The following COL26A1 variants were observed in gnomAD, a reference collection of about 807,000 sequenced individuals.
COL26A1 encodes the protein collagen alpha-1(XXVI) chain.
A neutral mutation model predicts 59.3 loss-of-function variants in COL26A1; 41 were observed. The ratio of observed to expected loss-of-function variants is 0.69; its 90% CI spans 0.54 to 0.90. The LOEUF (loss-of-function observed/expected upper bound fraction) is 0.90, where lower values mean the gene tolerates loss of function less well. Ranked by LOEUF, COL26A1 falls within the 40% of genes least tolerant of loss-of-function variation. COL26A1 has a pLI of 0.00. For missense variants in COL26A1, 612 were observed against 602.3 expected (o/e 1.02, Z -0.17); for synonymous variants, 266 against 256.0 (o/e 1.04, Z -0.37).
intron 3 of COL26A1, among the ~76,000 whole-genome samples, chr7:101,458,735 C>A (rs1012164674): frequency 3.3e-5 from 5 of 151,192 alleles, no homozygotes; most frequent in Non-Finnish European, 7.4e-5. Context: ...GAAACAGGCG[C>A]AGAGGAAATA....
intron 1 of COL26A1, among the ~76,000 whole-genome samples, chr7:101,399,875 G>A (rs1791948526): frequency 1.3e-5 from 2 of 152,162 alleles, no homozygotes; most frequent in Admixed American, 1.3e-4. Flanking sequence ...TGTATAATTA[G>A]TTCTTCCATG....
intron 1 of COL26A1, among the ~76,000 whole-genome samples, chr7:101,396,662 A>G (rs1791861994): frequency 6.6e-6 from 1 of 152,006 alleles, no homozygotes; most frequent in Admixed American, 6.6e-5. Context: ...AGATTTCACC[A>G]TGTTGGCCAG....
At chr7:101,430,743 T>C (rs1252465294) in intron 2 of COL26A1, among the ~76,000 whole-genome samples, 2 of 152,054 alleles carry the variant, frequency 1.3e-5, no homozygotes, top group African/African-American at 4.8e-5. Flanking sequence ...GAGGCAATCA[T>C]GTTGTTTGTC....
chr7:101,530,009 C>G (rs1795330792), intron 3 of COL26A1, among the ~76,000 whole-genome samples: 1 of 152,080 alleles, frequency 6.6e-6, no homozygotes, highest in Non-Finnish European at 1.5e-5. Flanking sequence ...ACAGTGTCAT[C>G]CAGTCGCAGG....
intron 3 of COL26A1, among the ~76,000 whole-genome samples, chr7:101,467,159 T>G (rs1428762627): frequency 7.2e-5 from 11 of 151,932 alleles, no homozygotes. Flanking sequence ...CAGGACCTTT[T>G]GAAGCAGCAT....
intron 3 of COL26A1, among the ~76,000 whole-genome samples, chr7:101,520,663 C>CACACACACACACACACA (rs57784373): frequency 1.1e-4 from 16 of 139,140 alleles, no homozygotes; most frequent in Middle Eastern, 3.5e-3. Flanking sequence ...CACACACACA[C>CACACACACACACACACA]CCCCGTGTTC....
chr7:101,557,351 C>A lies in COL26A1; in HGVS notation c.1166-19C>A, dbSNP rs1158306632. 8 of 1,603,192 alleles carry A rather than the reference C, an allele frequency of 5.0e-6. No homozygotes were observed. Among genetic ancestry groups the A allele is most frequent in the Non-Finnish European group, 6.8e-6 (8 of 1,172,280 alleles). ...TCCTAAGGCTCTACCTCGAGTCCAC[C>A]CTCCTGCTCTCCTTCCAGATCCCCT... On this transcript the variant is annotated intron_variant, in intron 12 of 12. Transcript: ENST00000313669.
At chr7:101,372,528 G>C (rs961605974) in intron 1 of COL26A1, among the ~76,000 whole-genome samples, 1 of 152,194 alleles carries the variant, frequency 6.6e-6, no homozygotes, top group African/African-American at 2.4e-5. Flanking sequence ...CTAGTGGATA[G>C]AGACTAAATG....
intron 3 of COL26A1, among the ~76,000 whole-genome samples, chr7:101,526,506 C>G (rs1795251101): frequency 6.6e-6 from 1 of 152,206 alleles, no homozygotes; most frequent in Non-Finnish European, 1.5e-5. Flanking sequence ...ATGTGCCTTG[C>G]CTCCCACTGG....
intron 2 of COL26A1, among the ~76,000 whole-genome samples, chr7:101,445,710 C>T (rs1446171480): frequency 2.1e-5 from 2 of 94,562 alleles, no homozygotes; most frequent in South Asian, 4.0e-4. Context: ...CCAGCCTGGG[C>T]GACAGAGCGA....
intron 3 of COL26A1, among the ~76,000 whole-genome samples, chr7:101,483,556 A>G (rs1412275202): frequency 6.6e-6 from 1 of 152,030 alleles, no homozygotes; most frequent in Non-Finnish European, 1.5e-5. Context: ...GGCCAAGCCT[A>G]TAGTGGAGTG....
At chr7:101,484,174 T>C (rs13232646) in intron 3 of COL26A1, among the ~76,000 whole-genome samples, 78,818 of 151,332 alleles carry the variant, frequency 0.52, 22,116 homozygotes, top group African/African-American at 0.73. Flanking sequence ...TTATTTACAC[T>C]TTCTAAGCAT....
At chr7:101,530,367 G>A (rs1044036950) in intron 3 of COL26A1, among the ~76,000 whole-genome samples, 4 of 151,702 alleles carry the variant, frequency 2.6e-5, no homozygotes, top group Non-Finnish European at 4.4e-5. Context: ...TCAGAAGTTC[G>A]AGACCAGCCT....
chr7:101,437,561 T>G (rs1005234753), intron 2 of COL26A1, among the ~76,000 whole-genome samples: 1 of 151,842 alleles, frequency 6.6e-6, no homozygotes, highest in African/African-American at 2.4e-5. Context: ...GCTTAGGATT[T>G]GGGTATTGTC....
intron 3 of COL26A1, among the ~76,000 whole-genome samples, chr7:101,453,761 A>G (rs1297161335): frequency 6.6e-6 from 1 of 152,170 alleles, no homozygotes. Context: ...ATTCCCGAAT[A>G]TAAACCAATA....
At position 101,464,868 on chromosome 7, in the gene COL26A1, T is replaced by C. The variant is rs187223149; in HGVS notation, c.385+17081T>C. On this transcript the variant is annotated intron_variant, in intron 3 of 12. Coordinates refer to ENST00000313669, the MANE Select transcript of COL26A1 (RefSeq NM_001278563.3). ...GCGGGACTACAGGTACACACCACCA[T>C]GCCCGGCTAATTTTAAAATTGTTTG... Among the ~76,000 whole-genome samples the C allele has an allele frequency of 3.9e-3, 592 of 151,154 alleles. 22 individuals carry two copies. Among genetic ancestry groups the C allele is most frequent in the Admixed American group, 0.037 (560 of 15,166 alleles).
At chr7:101,521,103 G>C (rs534191623) in intron 3 of COL26A1, among the ~76,000 whole-genome samples, 5 of 152,308 alleles carry the variant, frequency 3.3e-5, no homozygotes, top group African/African-American at 9.6e-5. Context: ...GAAGCAAGGC[G>C]TGTCTTCACA....
chr7:101,387,766 A>ATTTTTTTTTTTT (rs1443633156), intron 1 of COL26A1, among the ~76,000 whole-genome samples: 2 of 38,742 alleles, frequency 5.2e-5, no homozygotes, highest in African/African-American at 6.8e-5. Flanking sequence ...ATATATATAT[A>ATTTTTTTTTTTT]TATATATATA....
intron 2 of COL26A1, among the ~76,000 whole-genome samples, chr7:101,436,990 A>G (rs1792931673): frequency 6.6e-6 from 1 of 152,160 alleles, no homozygotes; most frequent in South Asian, 2.1e-4. Context: ...CTGGGATTAC[A>G]GGCTTGAGCC....
Sources: gnomAD v4.1 joint callset for allele counts (sites outside exome capture counted in the v4.1 genomes callset) on GRCh38, gnomAD v4.1.1 for gene constraint, MANE v1.5 for transcripts, NCBI Gene and HGNC (gene_info 2026-07-23, HGNC 2026-07-21) for gene names.